The following NCOR1 variants were observed in gnomAD, a reference collection of about 807,000 sequenced individuals.
NCOR1 encodes the protein nuclear receptor corepressor 1, also known as protein phosphatase 1, regulatory subunit 109.
In NCOR1, 63 loss-of-function variants were observed where a neutral mutation model predicts 288.1. The observed-to-expected ratio is 0.22, with a 90% CI of 0.18 to 0.27. The LOEUF is 0.27. Among genes scored for constraint, NCOR1 ranks in the 10% least tolerant of loss-of-function variants. The pLI is 1.00. For missense variants in NCOR1, 2,397 were observed against 3,019.2 expected (o/e 0.79, Z 4.83); for synonymous variants, 1,007 against 1,065.9 (o/e 0.94, Z 1.08).
intron 8 of NCOR1, among the ~76,000 whole-genome samples, chr17:16,151,009 ACT>A (rs1050832113): frequency 6.6e-6 from 1 of 151,582 alleles, no homozygotes; most frequent in Non-Finnish European, 1.5e-5. Flanking sequence ...AATTGCACAT[ACT>A]CTCAGTTAAG....
In NCOR1 at chr17:16,065,689, C is replaced by A; in HGVS notation, c.4747G>T (p.Ala1583Ser). 6.2e-7 allele frequency: 1 copy of A among 1,614,120 alleles called. No individual in the cohort carries two copies. Among genetic ancestry groups the A allele is most frequent in the Non-Finnish European group, 8.5e-7 (1 of 1,179,988 alleles). ...PFHRALDPAA[A>S]AYLFQRQLSP... ...AGCTGTCTCTGAAACAGGTAAGCAG[C>A]CGCTGCTGATTGAGAGAATGAAAGA... Residue 1583 changes from alanine (A) to serine (S), a missense_variant, in exon 33 of 46, where the codon GCT (alanine) becomes TCT (serine). By Grantham distance (99) the Ala-to-Ser change is moderately conservative. This residue lies in a region of NCOR1 where 1,872 missense variants were observed against 2,187.8 expected (regional missense o/e 0.86). Coordinates refer to ENST00000268712, the MANE Select transcript of NCOR1 (RefSeq NM_006311.4).
chr17:16,123,713 C>T (rs2068686405), intron 15 of NCOR1, among the ~76,000 whole-genome samples: 1 of 152,184 alleles, frequency 6.6e-6, no homozygotes, highest in African/African-American at 2.4e-5. Flanking sequence ...CCACATTAAC[C>T]ACTAGCATCT....
intron 40 of NCOR1, among the ~76,000 whole-genome samples, chr17:16,052,930 A>G (rs58071251): frequency 1.3e-5 from 2 of 152,180 alleles, no homozygotes; most frequent in Non-Finnish European, 2.9e-5. Context: ...CCTAGGATGC[A>G]AGGTTGGTTC....
rs565328554 is a variant in NCOR1, at chr17:16,124,079, A to C, written c.1634+2003T>G. Among the ~76,000 whole-genome samples the C allele has an allele frequency of 3.9e-5, 6 of 152,350 alleles. No individual in the cohort carries two copies. In the South Asian group the frequency reaches 1.0e-3, roughly 26 times the overall value. On this transcript the variant is annotated intron_variant, in intron 15 of 45. Coordinates refer to ENST00000268712, the MANE Select transcript of NCOR1 (RefSeq NM_006311.4). ...GTTTAACCCAAACTAAAAGAAAAAA[A>C]TATATTCCCTTAGAGGTATCTTCCT...
chr17:16,187,020 A>G (rs1168153914), intron 2 of NCOR1, among the ~76,000 whole-genome samples: 1 of 152,218 alleles, frequency 6.6e-6, no homozygotes, highest in African/African-American at 2.4e-5. Flanking sequence ...TTCCAATACT[A>G]AATTCATAAT....
At chr17:16,151,506 CACT>C in intron 8 of NCOR1, 1 of 928,404 alleles carries the variant, frequency 1.1e-6, no homozygotes, top group South Asian at 1.4e-5. Context: ...TGATCCGTGG[CACT>C]TCTACTTTGC....
rs1597481137 is a variant in NCOR1 at position 16,030,715 on chromosome 17, A to ATGTGGGCT, written c.*1573_*1580dup. On this transcript the variant is annotated 3_prime_UTR_variant, in exon 46 of 46. Transcript: ENST00000268712. Reference sequence around the variant, plus strand: ...GAGTGAAAGCTTTGACTGAAGACAAATGTGGGCTTATGGCCTATCTCTGTC... The same window carrying ATGTGGGCT: ...GAGTGAAAGCTTTGACTGAAGACAAATGTGGGCTTGTGGGCTTATGGCCTATCTCTGTC... 1.7e-5 allele frequency: 3 copies of ATGTGGGCT among 179,380 alleles called. No homozygotes were observed. The East Asian group carries it at 2.8e-4, about 17-fold the overall frequency. 11.1% of individuals were successfully genotyped at this position (179,380 alleles called of 1,614,324 possible).
Position 16,031,570 on chromosome 17 carries a change from C to G in NCOR1, c.*726G>C. 4.5e-6 allele frequency: 1 copy of G among 220,170 alleles called. No homozygotes were observed. The highest frequency in any genetic ancestry group is 9.1e-6 in the Non-Finnish European group (1 of 110,018). 13.6% of individuals were successfully genotyped at this position (220,170 alleles called of 1,614,324 possible). A position where few individuals can be genotyped will look rare whatever the true frequency, so the allele number is the denominator to read the frequency against. On this transcript the variant is annotated 3_prime_UTR_variant, in exon 46 of 46. Coordinates refer to ENST00000268712, the MANE Select transcript of NCOR1 (RefSeq NM_006311.4). ...CTTTATAAACTGAACTAGAACATAC[C>G]CATGCAGTAATATTTTTTCAGTGCT... is the stretch of plus-strand genomic sequence containing the variant.
At position 16,092,675 on chromosome 17, in the gene NCOR1, ATATATATATATATATATATATTTTT is replaced by A. The variant is rs1359335954; in HGVS notation, c.2821-642_2821-618del. Among the ~76,000 whole-genome samples the A allele has an allele frequency of 3.3e-4, 6 of 18,218 alleles. 1 individual carries two copies. Among genetic ancestry groups the A allele is most frequent in the South Asian group, 2.9e-3 (1 of 346 alleles). 12.0% of individuals were successfully genotyped at this position (18,218 alleles called of 152,430 possible). On this transcript the variant is annotated intron_variant, in intron 21 of 45. Transcript: ENST00000268712. ...TATATATATATATATATATATATAT[ATATATATATATATATATATATTTTT>A]TTTTTTTTTTTTTTTTAAGACATAG...
At chr17:16,069,581 C>G (rs542544258) in intron 31 of NCOR1, among the ~76,000 whole-genome samples, 3 of 152,310 alleles carry the variant, frequency 2.0e-5, no homozygotes, top group African/African-American at 7.2e-5. Flanking sequence ...ACAATAATAA[C>G]AACAGTAACA....
chr17:16,106,053 T>C (rs960858180), intron 19 of NCOR1, among the ~76,000 whole-genome samples: 19 of 152,066 alleles, frequency 1.2e-4, no homozygotes, highest in African/African-American at 3.4e-4. Context: ...TGAGCTGAGA[T>C]TGCAACACTG....
chr17:16,179,422 A>C (rs2084920078), intron 3 of NCOR1, among the ~76,000 whole-genome samples: 1 of 152,172 alleles, frequency 6.6e-6, no homozygotes, highest in Non-Finnish European at 1.5e-5. Context: ...AGTTAAGCAG[A>C]AGTAGAAAGC....
intron 31 of NCOR1, chr17:16,068,383 TA>T (rs2061367046): frequency 2.6e-6 from 1 of 391,602 alleles, no homozygotes; most frequent in African/African-American, 2.1e-5. Context: ...TATGTAACAT[TA>T]AAAATAAAAT....
chr17:16,150,663 G>C (rs2078702098), intron 8 of NCOR1, among the ~76,000 whole-genome samples: 1 of 148,068 alleles, frequency 6.8e-6, no homozygotes, highest in Non-Finnish European at 1.5e-5. Flanking sequence ...TGTATCAGGA[G>C]AAACAGGACA....
chr17:16,141,221 T>C (rs1042395717), intron 11 of NCOR1, among the ~76,000 whole-genome samples: 3 of 152,120 alleles, frequency 2.0e-5, no homozygotes, highest in Non-Finnish European at 2.9e-5. Flanking sequence ...CATATAACAA[T>C]GCACTGAAAA....
rs749586567 is a variant in NCOR1 at position 16,127,699 on chromosome 17, GTA to G, written c.1510-1495_1510-1494del. ...TGTGTATGTGTATATATACATATAT[GTA>G]TATATGTGTGTGTATATATACATAT... On this transcript the variant is annotated intron_variant, in intron 14 of 45. Transcript: ENST00000268712. 6.1e-3 allele frequency among the ~76,000 whole-genome samples: 846 copies of G among 137,716 alleles called. 21 individuals are homozygous for G. The highest frequency in any genetic ancestry group is 0.039 in the East Asian group (188 of 4,804). 90.3% of individuals were successfully genotyped at this position (137,716 alleles called of 152,430 possible).
In NCOR1 at chr17:16,071,526, T is replaced by C. The variant is rs771963847; in HGVS notation, c.4035A>G (p.Lys1345=). 3 of 1,614,214 alleles carry C rather than the reference T, an allele frequency of 1.9e-6. No homozygotes were observed. Among genetic ancestry groups the C allele is most frequent in the Non-Finnish European group, 1.7e-6 (2 of 1,180,028 alleles). ...GKPYDGITTI[K]EMGRSIHEIP... ...TCTCATGAATGGAACGCCCCATTTC[T>C]TTGATGGTGGTGATGCCATCATATG... Residue 1345 remains lysine, a synonymous_variant, in exon 30 of 46, where the codon AAA becomes AAG. Coordinates refer to ENST00000268712, the MANE Select transcript of NCOR1 (RefSeq NM_006311.4).
chr17:16,158,922 C>T, intron 5 of NCOR1, 49 bp from the exon 6 acceptor site: 1 of 1,317,658 alleles, frequency 7.6e-7, no homozygotes, highest in Middle Eastern at 2.0e-4. Flanking sequence ...ACACCACACC[C>T]AGCAGTGATT....
At position 16,121,261 on chromosome 17, in the gene NCOR1, G is replaced by C; in HGVS notation, c.1643C>G (p.Thr548Ser). ...ACCATCTATCTTGTCCTTTTCCTTG[G>C]TATTTTCTCTGGACACAAAAGCAAA... The part of the protein sequence containing the change: ...KDEKEDSKEN[T>S]KEKDKIDGTA... Residue 548 changes from threonine (T) to serine (S), a missense_variant, in exon 16 of 46, where the codon ACC becomes AGC. By Grantham distance (58) the Thr-to-Ser change is moderately conservative. Transcript: ENST00000268712. 6.2e-7 allele frequency: 1 copy of C among 1,611,918 alleles called. No homozygotes were observed. The highest frequency in any genetic ancestry group is 8.5e-7 in the Non-Finnish European group (1 of 1,179,250).
Sources: allele counts gnomAD v4.1 joint callset (sites outside exome capture counted in the v4.1 genomes callset), GRCh38; gene constraint gnomAD v4.1.1; regional missense constraint gnomAD v4.1.1; transcripts MANE v1.5; gene names NCBI Gene and HGNC (gene_info 2026-07-23, HGNC 2026-07-21).